Variants in STXBP6 observed in about 807,000 individuals in gnomAD.
STXBP6 encodes syntaxin-binding protein 6.
STXBP6 carries 21 observed loss-of-function variants against 26.9 expected under a neutral mutation model. That is an observed-to-expected ratio of 0.78 (90% CI 0.55 to 1.12). The LOEUF is 1.12. Among genes scored for constraint, STXBP6 ranks in the 50% most tolerant of loss-of-function variants. STXBP6 has a pLI of 0.00. For synonymous variants in STXBP6, 97 were observed against 92.6 expected (o/e 1.05, Z -0.27); for missense variants, 232 against 257.9 (o/e 0.90, Z 0.69).
At chr14:24,813,007 A>T (rs1428628005) in intron 5 of STXBP6, among the ~76,000 whole-genome samples, 1 of 152,138 alleles carries the variant, frequency 6.6e-6, no homozygotes, top group African/African-American at 2.4e-5. Context: ...GTGTTCCTAC[A>T]TCACACTGAA....
chr14:24,980,866 ATATCT>A (rs1480191297), intron 1 of STXBP6, among the ~76,000 whole-genome samples: 1 of 152,232 alleles, frequency 6.6e-6, no homozygotes, highest in East Asian at 1.9e-4. Context: ...AGGAAAAAAA[ATATCT>A]TAAAGTAGAA....
rs1237169318 is a variant in STXBP6 at position 25,004,275 on chromosome 14, T to TCA, written c.-32-29427_-32-29426dup. Reference sequence around the variant, plus strand: ...GGCTACACATGCCAATCCCCTCACCTCACTATCCACCATTCCCAATATTTA... The same window carrying TCA: ...GGCTACACATGCCAATCCCCTCACCTCACACTATCCACCATTCCCAATATTTA... On this transcript the variant is annotated intron_variant, in intron 1 of 5. Transcript: ENST00000323944. Among the ~76,000 whole-genome samples, 3 of 152,194 alleles carry TCA rather than the reference T, an allele frequency of 2.0e-5. No individual in the cohort carries two copies. The East Asian group carries it at 5.8e-4, about 29-fold the overall frequency.
chr14:25,010,109 C>T (rs2074996415), intron 1 of STXBP6, among the ~76,000 whole-genome samples: 1 of 152,208 alleles, frequency 6.6e-6, no homozygotes, highest in African/African-American at 2.4e-5. Flanking sequence ...TCCAGCTCAA[C>T]ATGCATTCCT....
At chr14:24,907,578 T>C (rs2071426727) in intron 2 of STXBP6, among the ~76,000 whole-genome samples, 2 of 152,190 alleles carry the variant, frequency 1.3e-5, no homozygotes, top group South Asian at 4.1e-4. Context: ...TTCTTTTCCA[T>C]ACTTTTTAAT....
chr14:24,819,222 A>G, intron 4 of STXBP6, 28 bp from the exon 5 acceptor site: 1 of 1,613,448 alleles, frequency 6.2e-7, no homozygotes. Flanking sequence ...GGAGCATCAG[A>G]AACTGGCTCA....
intron 2 of STXBP6, among the ~76,000 whole-genome samples, chr14:24,860,823 C>A (rs899187571): frequency 4.0e-5 from 6 of 149,244 alleles, no homozygotes; most frequent in Admixed American, 2.7e-4. Context: ...AGATTGCACC[C>A]CCAATAGCTA....
chr14:24,819,205 G>A lies in STXBP6; in HGVS notation c.452-11C>T, dbSNP rs2068069834. On this transcript the variant is annotated splice_polypyrimidine_tract_variant and intron_variant, in intron 4 of 5. Coordinates refer to ENST00000323944, the MANE Select transcript of STXBP6 (RefSeq NM_001394410.1). ...GGAGGATGCTGTTTCCTGAAAGGAGGAGAGCAGGAGCATCAGAAACTGGCT... is the reference window on the plus strand; with the variant it reads ...GGAGGATGCTGTTTCCTGAAAGGAGAAGAGCAGGAGCATCAGAAACTGGCT... 6.2e-7 allele frequency: 1 copy of A among 1,613,900 alleles called. No homozygotes were observed. The highest frequency in any genetic ancestry group is 1.3e-5 in the African/African-American group (1 of 75,068).
At chr14:24,842,663 CTTTT>C (rs145788222) in intron 4 of STXBP6, among the ~76,000 whole-genome samples, 1 of 148,410 alleles carries the variant, frequency 6.7e-6, no homozygotes, top group African/African-American at 2.5e-5. Flanking sequence ...TTACTTTTCT[CTTTT>C]TTTTTTAACC....
At chr14:24,923,427 A>C (rs1177877506) in intron 2 of STXBP6, among the ~76,000 whole-genome samples, 2 of 152,198 alleles carry the variant, frequency 1.3e-5, no homozygotes, top group Non-Finnish European at 2.9e-5. Context: ...TATTACAAAC[A>C]ACATTCTTTT....
chr14:24,966,595 T>C (rs1045285841), intron 2 of STXBP6, among the ~76,000 whole-genome samples: 1 of 152,212 alleles, frequency 6.6e-6, no homozygotes, highest in Non-Finnish European at 1.5e-5. Flanking sequence ...TGCTTACTTA[T>C]CTATTTTTGA....
chr14:24,824,427 A>T (rs989866864), intron 4 of STXBP6, among the ~76,000 whole-genome samples: 1 of 152,204 alleles, frequency 6.6e-6, no homozygotes, highest in Non-Finnish European at 1.5e-5. Context: ...AATCATGACG[A>T]TATTAGCTTT....
At chr14:25,012,448 A>C (rs1315685101) in intron 1 of STXBP6, among the ~76,000 whole-genome samples, 1 of 152,056 alleles carries the variant, frequency 6.6e-6, no homozygotes, top group Admixed American at 6.6e-5. Context: ...CAATATGGCA[A>C]AGCCCCATCT....
At chr14:24,944,282 A>T (rs1031781260) in intron 2 of STXBP6, among the ~76,000 whole-genome samples, 4 of 152,230 alleles carry the variant, frequency 2.6e-5, no homozygotes, top group African/African-American at 9.6e-5. Context: ...CCACCTAGGA[A>T]AGCAGCAAGC....
intron 1 of STXBP6, among the ~76,000 whole-genome samples, chr14:25,047,634 T>C (rs1277487562): frequency 6.6e-6 from 1 of 152,190 alleles, no homozygotes; most frequent in Non-Finnish European, 1.5e-5. Flanking sequence ...CAGTTTGAGA[T>C]GTAACAAGCC....
chr14:24,978,506 C>A (rs1176651165), intron 1 of STXBP6, among the ~76,000 whole-genome samples: 1 of 152,098 alleles, frequency 6.6e-6, no homozygotes, highest in South Asian at 2.1e-4. Context: ...GGCTGAGAAC[C>A]CACTGTAAGA....
chr14:24,904,845 G>A (rs2071333609), intron 2 of STXBP6, among the ~76,000 whole-genome samples: 1 of 152,176 alleles, frequency 6.6e-6, no homozygotes, highest in Non-Finnish European at 1.5e-5. Context: ...TCTGGATATG[G>A]CAGCCGTAGC....
chr14:24,822,307 T>C lies in STXBP6; in HGVS notation c.452-3113A>G, dbSNP rs540760610. ...CCATACAACTAAAGGTCACCTCCTA[T>C]ACAGCTCTCTACACTCTTGCCTTTT... On this transcript the variant is annotated intron_variant, in intron 4 of 5. Coordinates refer to ENST00000323944, the MANE Select transcript of STXBP6 (RefSeq NM_001394410.1). 3.3e-5 allele frequency among the ~76,000 whole-genome samples: 5 copies of C among 152,240 alleles called. No individual in the cohort carries two copies. The South Asian group carries it at 1.0e-3, about 32-fold the overall frequency.
chr14:25,003,404 G>A (rs1390701029), intron 1 of STXBP6, among the ~76,000 whole-genome samples: 1 of 152,132 alleles, frequency 6.6e-6, no homozygotes, highest in East Asian at 1.9e-4. Flanking sequence ...AGCATAACAA[G>A]TCCTCCAGGG....
chr14:24,930,395 A>G (rs2072340395), intron 2 of STXBP6, among the ~76,000 whole-genome samples: 1 of 152,258 alleles, frequency 6.6e-6, no homozygotes, highest in Non-Finnish European at 1.5e-5. Context: ...TGTGCTAATT[A>G]TAACAGATTT....
Sources: allele counts gnomAD v4.1 joint callset (sites outside exome capture counted in the v4.1 genomes callset), GRCh38; gene constraint gnomAD v4.1.1; transcripts MANE v1.5; gene names NCBI Gene and HGNC (gene_info 2026-07-23, HGNC 2026-07-21).